SYT17: variants seen among roughly 807,000 people sequenced by gnomAD.
SYT17 encodes the protein synaptotagmin-17.
Under a neutral mutation model 46.7 loss-of-function variants are expected in SYT17, and 22 were observed. The observed-to-expected ratio is 0.47, with a 90% CI of 0.34 to 0.67. The LOEUF is 0.67. Among genes scored for constraint, SYT17 ranks in the 30% least tolerant of loss-of-function variants. The pLI, the probability that SYT17 is intolerant of heterozygous loss-of-function variation, is 0.01. For synonymous variants in SYT17, 251 were observed against 248.4 expected (o/e 1.01, Z -0.10); for missense variants, 519 against 612.8 (o/e 0.85, Z 1.62).
At chr16:19,217,652 T>C (rs184928542) in intron 5 of SYT17, among the ~76,000 whole-genome samples, 1 of 152,366 alleles carries the variant, frequency 6.6e-6, no homozygotes, top group Admixed American at 6.5e-5. Flanking sequence ...AGTGCTGCTA[T>C]GAACATCTGC....
chr16:19,207,240 C>T (rs1046151892), intron 5 of SYT17, among the ~76,000 whole-genome samples: 5 of 152,158 alleles, frequency 3.3e-5, no homozygotes, highest in South Asian at 2.1e-4. Context: ...TGCAGGACCA[C>T]GAGCCACTTA....
intron 5 of SYT17, among the ~76,000 whole-genome samples, chr16:19,209,637 G>A (rs1393535202): frequency 1.3e-5 from 2 of 152,014 alleles, no homozygotes; most frequent in Admixed American, 6.6e-5. Flanking sequence ...TTGGGAGACC[G>A]AGGTGGGCGG....
At chr16:19,237,515 G>A (rs948156385) in intron 7 of SYT17, among the ~76,000 whole-genome samples, 2 of 152,156 alleles carry the variant, frequency 1.3e-5, no homozygotes, top group African/African-American at 2.4e-5. Context: ...CCCTTTCCAC[G>A]GCAATGACCC....
intron 7 of SYT17, among the ~76,000 whole-genome samples, chr16:19,264,241 G>A (rs531862360): frequency 3.3e-5 from 5 of 152,224 alleles, no homozygotes; most frequent in South Asian, 2.1e-4. Context: ...TTGTTACAGC[G>A]GCCTGAATGG....
At chr16:19,211,453 G>A (rs1304596989) in intron 5 of SYT17, 1 of 703,830 alleles carries the variant, frequency 1.4e-6, no homozygotes, top group Non-Finnish European at 2.6e-6. Context: ...GGAGAAAAAG[G>A]TAAGGACCAA....
chr16:19,263,772 A>G (rs760558654), intron 7 of SYT17, among the ~76,000 whole-genome samples: 2 of 152,186 alleles, frequency 1.3e-5, no homozygotes, highest in South Asian at 2.1e-4. Context: ...TAAGCAAAAC[A>G]TGGCATATCC....
At chr16:19,246,648 C>T (rs570261147) in intron 7 of SYT17, among the ~76,000 whole-genome samples, 1 of 152,288 alleles carries the variant, frequency 6.6e-6, no homozygotes, top group Admixed American at 6.5e-5. Flanking sequence ...TATATGTGCA[C>T]ATCTGGGTAT....
At chr16:19,176,503 A>G (rs1964318222) in intron 3 of SYT17, among the ~76,000 whole-genome samples, 1 of 152,218 alleles carries the variant, frequency 6.6e-6, no homozygotes, top group South Asian at 2.1e-4. Flanking sequence ...GCAGCTACTT[A>G]TTTCTACCAT....
intron 5 of SYT17, chr16:19,211,559 G>A: frequency 1.5e-6 from 1 of 681,730 alleles, no homozygotes. Context: ...AGATGAGGAG[G>A]TGACTGTTGA....
intron 5 of SYT17, among the ~76,000 whole-genome samples, chr16:19,184,701 T>A (rs1178551540): frequency 6.6e-6 from 1 of 152,174 alleles, no homozygotes; most frequent in Non-Finnish European, 1.5e-5. Flanking sequence ...CATGTATAGA[T>A]TCCTGTAACC....
chr16:19,255,046 C>T (rs1968463425), intron 7 of SYT17, among the ~76,000 whole-genome samples: 2 of 152,164 alleles, frequency 1.3e-5, no homozygotes, highest in South Asian at 2.1e-4. Flanking sequence ...GGTTTCTCCT[C>T]CACTCCCCCG....
intron 7 of SYT17, among the ~76,000 whole-genome samples, chr16:19,244,477 G>C (rs949822104): frequency 6.6e-6 from 1 of 152,134 alleles, no homozygotes; most frequent in African/African-American, 2.4e-5. Context: ...GGGACTACAG[G>C]TATGTGCCAC....
chr16:19,260,175 AGT>A (rs1226877711), intron 7 of SYT17, among the ~76,000 whole-genome samples: 1 of 151,766 alleles, frequency 6.6e-6, no homozygotes, highest in Non-Finnish European at 1.5e-5. Flanking sequence ...ATAGATGGTA[AGT>A]GTTTCTTACC....
chr16:19,173,268 T>C, intron 2 of SYT17, 162 bp from the exon 3 acceptor site: 1 of 557,188 alleles, frequency 1.8e-6, no homozygotes, highest in Non-Finnish European at 3.1e-6. Context: ...GAAAACATTT[T>C]GTTCTAAGTG....
chr16:19,183,404 T>C lies in SYT17; in HGVS notation c.332-124T>C, dbSNP rs1337694143. ...CAGAATCAGTGAGTATTTCAGAGTG[T>C]GGAGAAAGATGGCAAAGGTCATTCT... is the stretch of plus-strand genomic sequence containing the variant. On this transcript the variant is annotated intron_variant, in intron 4 of 7. Transcript: ENST00000355377. This position sits in a 1 kb window ranked among gnomAD's most constrained non-coding sequence, Gnocchi z 5.6. The C allele has an allele frequency of 2.3e-6, 3 of 1,326,524 alleles. No homozygotes were observed. In the East Asian group the frequency reaches 6.9e-5, roughly 31 times the overall value. 82.2% of individuals were successfully genotyped at this position (1,326,524 alleles called of 1,614,324 possible).
intron 3 of SYT17, among the ~76,000 whole-genome samples, chr16:19,179,756 C>T (rs1363510244): frequency 6.6e-6 from 1 of 152,184 alleles, no homozygotes; most frequent in East Asian, 1.9e-4. Flanking sequence ...CTTCCTTCTC[C>T]ATCCACCCCT....
At chr16:19,177,616 C>T (rs1964366398) in intron 3 of SYT17, among the ~76,000 whole-genome samples, 1 of 152,130 alleles carries the variant, frequency 6.6e-6, no homozygotes, top group Non-Finnish European at 1.5e-5. Flanking sequence ...TGGGACTTGC[C>T]TCTGTGGACT....
At chr16:19,220,005 G>T (rs1286500769) in intron 5 of SYT17, among the ~76,000 whole-genome samples, 1 of 152,162 alleles carries the variant, frequency 6.6e-6, no homozygotes, top group Non-Finnish European at 1.5e-5. Context: ...TGTCAGCAGG[G>T]TCATGCCCTA....
intron 2 of SYT17, chr16:19,173,057 C>T (rs1964164371): frequency 3.5e-6 from 2 of 574,106 alleles, no homozygotes; most frequent in African/African-American, 3.8e-5. Context: ...TTTTCCCCTG[C>T]TTTCAAGAAG....
Sources: allele counts gnomAD v4.1 joint callset (sites outside exome capture counted in the v4.1 genomes callset), GRCh38; gene constraint gnomAD v4.1.1; non-coding constraint Gnocchi (gnomAD v3.1); transcripts MANE v1.5; gene names NCBI Gene and HGNC (gene_info 2026-07-23, HGNC 2026-07-21).